Variants in DOCK3 observed in about 807,000 individuals in gnomAD.
DOCK3 encodes the protein dedicator of cytokinesis protein 3.
A neutral mutation model predicts 265.6 loss-of-function variants in DOCK3; 60 were observed. The observed-to-expected ratio is 0.23, with a 90% confidence interval of 0.18 to 0.28. The LOEUF is 0.28. DOCK3 is among the 10% of genes least tolerant of loss of function. The pLI, the probability that DOCK3 is intolerant of heterozygous loss-of-function variation, is 1.00. For synonymous variants in DOCK3, 881 were observed against 938.0 expected (o/e 0.94, Z 1.11); for missense variants, 1,981 against 2,594.3 (o/e 0.76, Z 5.14).
At chr3:50,873,299 C>CT (rs2047523140) in intron 3 of DOCK3, among the ~76,000 whole-genome samples, 2 of 152,112 alleles carry the variant, frequency 1.3e-5, no homozygotes, top group South Asian at 4.1e-4. Context: ...AGCAGGTTCC[C>CT]TTCTGGGCCA....
At chr3:50,703,586 T>G (rs1211359250) in intron 1 of DOCK3, among the ~76,000 whole-genome samples, 5 of 152,064 alleles carry the variant, frequency 3.3e-5, no homozygotes, top group African/African-American at 1.2e-4. Context: ...AATTTAGATA[T>G]TTTCGTTAGG....
At chr3:50,854,238 T>C (rs2046472398) in intron 3 of DOCK3, among the ~76,000 whole-genome samples, 1 of 152,200 alleles carries the variant, frequency 6.6e-6, no homozygotes, top group Admixed American at 6.5e-5. Flanking sequence ...TTTGCAAATA[T>C]TCTTTCCCAC....
Position 51,160,946 on chromosome 3 carries a change from C to G in DOCK3, c.1037+244C>G, listed in dbSNP as rs190804778. On this transcript the variant is annotated intron_variant, in intron 12 of 52. Transcript: ENST00000266037. ...AAAAAATTAGCCAGGCGTGGTGGCA[C>G]GTGCCTGTAATCCCAGCTACTCAGG... is the stretch of plus-strand genomic sequence containing the variant. Among the ~76,000 whole-genome samples the G allele has an allele frequency of 8.1e-3, 1,232 of 151,928 alleles. 15 individuals carry two copies. Among genetic ancestry groups the G allele is most frequent in the African/African-American group, 0.028 (1,158 of 41,412 alleles).
chr3:51,372,473 C>T (rs1432463607), intron 49 of DOCK3, among the ~76,000 whole-genome samples: 1 of 152,200 alleles, frequency 6.6e-6, no homozygotes, highest in Admixed American at 6.5e-5. Context: ...TTCAGCAGAG[C>T]CCCTGAGCCC....
At chr3:50,712,690 C>A (rs1052897765) in intron 1 of DOCK3, among the ~76,000 whole-genome samples, 3 of 152,152 alleles carry the variant, frequency 2.0e-5, no homozygotes, top group Non-Finnish European at 4.4e-5. Context: ...ATCTCAAAGT[C>A]TTTTCTGTTT....
At chr3:50,795,400 T>C (rs2042717103) in intron 2 of DOCK3, among the ~76,000 whole-genome samples, 1 of 152,160 alleles carries the variant, frequency 6.6e-6, no homozygotes, top group Non-Finnish European at 1.5e-5. Context: ...TTTATTTTTT[T>C]GAGATGGAGT....
chr3:50,953,821 C>T lies in DOCK3; in HGVS notation c.315+19744C>T, dbSNP rs141712681. Among the ~76,000 whole-genome samples the T allele has an allele frequency of 1.6e-3, 247 of 152,198 alleles. 2 individuals carry two copies. Among genetic ancestry groups the T allele is most frequent in the African/African-American group, 5.4e-3 (226 of 41,550 alleles). ...GGTAACTAGCACAGTTCATTCTTTT[C>T]GCTGTTAAGCTTTCACGTGCACTCT... On this transcript the variant is annotated intron_variant, in intron 5 of 52. Transcript: ENST00000266037.
At chr3:51,180,231 C>T (rs1013130285) in intron 12 of DOCK3, among the ~76,000 whole-genome samples, 4 of 144,294 alleles carry the variant, frequency 2.8e-5, no homozygotes, top group African/African-American at 1.0e-4. Flanking sequence ...AAAAAACACA[C>T]ACACACACAC....
intron 4 of DOCK3, among the ~76,000 whole-genome samples, chr3:50,914,607 AACAT>A (rs1402244212): frequency 6.6e-6 from 1 of 152,172 alleles, no homozygotes; most frequent in Non-Finnish European, 1.5e-5. Context: ...GTTGTGGCCT[AACAT>A]ACAGTCTATT....
At chr3:50,716,515 G>A (rs1371296887) in intron 1 of DOCK3, among the ~76,000 whole-genome samples, 2 of 151,402 alleles carry the variant, frequency 1.3e-5, no homozygotes, top group Non-Finnish European at 2.9e-5. Flanking sequence ...GCGACAGAGC[G>A]AGACTCCGTC....
chr3:51,375,094 C>A (rs1006646920), intron 50 of DOCK3, among the ~76,000 whole-genome samples: 4 of 152,196 alleles, frequency 2.6e-5, no homozygotes, highest in Non-Finnish European at 4.4e-5. Flanking sequence ...TGCCTGGGGA[C>A]CTTGAACAAG....
At chr3:51,165,832 T>A (rs2086375216) in intron 12 of DOCK3, among the ~76,000 whole-genome samples, 1 of 151,990 alleles carries the variant, frequency 6.6e-6, no homozygotes, top group Middle Eastern at 3.2e-3. Context: ...TAATTTTTAA[T>A]TCTATACCAT....
At position 50,914,050 on chromosome 3, in the gene DOCK3, C is replaced by CTTATTTTATTTTATT. The variant is rs57972779; in HGVS notation, c.219-19919_219-19905dup. Reference sequence around the variant, plus strand: ...GCTTTGTCCTCCCTGTATTGTCTCTCTTATTTTATTTTATTTTATTTTATT... The same window carrying CTTATTTTATTTTATT: ...GCTTTGTCCTCCCTGTATTGTCTCTCTTATTTTATTTTATTTTATTTTATTTTATTTTATTTTATT... On this transcript the variant is annotated intron_variant, in intron 4 of 52. Coordinates refer to ENST00000266037, the MANE Select transcript of DOCK3 (RefSeq NM_004947.5). Among the ~76,000 whole-genome samples the CTTATTTTATTTTATT allele has an allele frequency of 6.5e-3, 976 of 150,674 alleles. 10 individuals are homozygous for CTTATTTTATTTTATT. Among genetic ancestry groups the CTTATTTTATTTTATT allele is most frequent in the African/African-American group, 0.022 (904 of 41,104 alleles).
At chr3:50,695,313 A>G (rs2035540195) in intron 1 of DOCK3, among the ~76,000 whole-genome samples, 1 of 152,260 alleles carries the variant, frequency 6.6e-6, no homozygotes, top group South Asian at 2.1e-4. Flanking sequence ...TACCTCAAAT[A>G]CTGGCTTTGC....
At chr3:50,803,956 G>A (rs894311772) in intron 2 of DOCK3, among the ~76,000 whole-genome samples, 17 of 151,530 alleles carry the variant, frequency 1.1e-4, no homozygotes, top group African/African-American at 3.1e-4. Flanking sequence ...GGCGGCTGCC[G>A]GGCAGAGGGG....
intron 44 of DOCK3, 97 bp from the exon 45 acceptor site, chr3:51,357,661 T>A (rs2086454294): frequency 8.3e-7 from 1 of 1,202,728 alleles, no homozygotes. Flanking sequence ...ACAGCCTGGC[T>A]GCTTTTTAGG....
intron 9 of DOCK3, among the ~76,000 whole-genome samples, chr3:51,108,654 A>G (rs1002878443): frequency 2.6e-4 from 40 of 152,222 alleles, no homozygotes; most frequent in African/African-American, 9.6e-4. Context: ...TCTCACATTC[A>G]TTGATACCCA....
At chr3:50,854,134 C>T (rs1455119623) in intron 3 of DOCK3, among the ~76,000 whole-genome samples, 1 of 151,830 alleles carries the variant, frequency 6.6e-6, no homozygotes, top group Non-Finnish European at 1.5e-5. Flanking sequence ...CTATTCATGT[C>T]CTCTGCTCAC....
At chr3:51,268,990 C>G (rs1274750235) in intron 23 of DOCK3, among the ~76,000 whole-genome samples, 1 of 151,956 alleles carries the variant, frequency 6.6e-6, no homozygotes, top group Non-Finnish European at 1.5e-5. Flanking sequence ...GTGGCACACT[C>G]CTACTACATC....
Sources: allele counts gnomAD v4.1 joint callset (sites outside exome capture counted in the v4.1 genomes callset), GRCh38; gene constraint gnomAD v4.1.1; transcripts MANE v1.5; gene names NCBI Gene and HGNC (gene_info 2026-07-23, HGNC 2026-07-21).